The following CATSPERB variants were observed in gnomAD, a reference collection of about 807,000 sequenced individuals.
The protein encoded by CATSPERB is catsper channel auxiliary subunit beta, also known as cation channel sperm-associated auxiliary subunit beta.
Under a neutral mutation model 128.3 loss-of-function variants are expected in CATSPERB, and 93 were observed. The observed-to-expected ratio is 0.72, with a 90% confidence interval of 0.61 to 0.86. The LOEUF (loss-of-function observed/expected upper bound fraction) is 0.86, where lower values mean the gene tolerates loss of function less well. Among genes scored for constraint, CATSPERB ranks in the 40% least tolerant of loss-of-function variants. The pLI is 0.00. For missense variants in CATSPERB, 1,153 were observed against 1,329.5 expected, an observed-to-expected ratio of 0.87 and a Z score of 2.06; for synonymous variants, 381 against 448.8, an observed-to-expected ratio of 0.85 and a Z score of 1.91.
intron 13 of CATSPERB, among the ~76,000 whole-genome samples, chr14:91,672,250 C>G (rs1895109329): frequency 6.6e-6 from 1 of 151,998 alleles, no homozygotes; most frequent in African/African-American, 2.4e-5. Flanking sequence ...AGGGGCCGAA[C>G]TTATGGTTTT....
chr14:91,678,879 C>T (rs1212085472), intron 11 of CATSPERB, among the ~76,000 whole-genome samples: 2 of 152,068 alleles, frequency 1.3e-5, no homozygotes, highest in Non-Finnish European at 2.9e-5. Context: ...TCTAAGTTGT[C>T]AGCAAAATGC....
At position 91,696,369 on chromosome 14, in the gene CATSPERB, G is replaced by A. The variant is rs952832419; in HGVS notation, c.617-2890C>T. 3.3e-5 allele frequency among the ~76,000 whole-genome samples: 5 copies of A among 152,348 alleles called. No individual in the cohort carries two copies. The South Asian group carries it at 6.2e-4, about 19-fold the overall frequency. On this transcript the variant is annotated intron_variant, in intron 7 of 26. Transcript: ENST00000256343. ...AAGCTAAAAGAAGAAAGTGTTTTGA[G>A]CAGAGACTGGTCGACCCTGTTAAAT...
At chr14:91,641,202 T>G (rs919606463) in intron 15 of CATSPERB, among the ~76,000 whole-genome samples, 7 of 150,408 alleles carry the variant, frequency 4.7e-5, no homozygotes, top group Non-Finnish European at 1.0e-4. Context: ...TTCACTCTCA[T>G]GGTAGTTTCT....
chr14:91,689,750 T>G (rs1192200816), intron 10 of CATSPERB, among the ~76,000 whole-genome samples: 1 of 152,146 alleles, frequency 6.6e-6, no homozygotes, highest in Admixed American at 6.5e-5. Flanking sequence ...AGTTTTAGGT[T>G]ATATTCTTTT....
At chr14:91,658,918 T>C (rs2139820246) in intron 15 of CATSPERB, among the ~76,000 whole-genome samples, 1 of 151,430 alleles carries the variant, frequency 6.6e-6, no homozygotes, top group South Asian at 2.1e-4. Flanking sequence ...GTCGCAAACA[T>C]ACAGAAATAA....
At chr14:91,669,473 A>G (rs1805036771) in intron 14 of CATSPERB, among the ~76,000 whole-genome samples, 2 of 152,200 alleles carry the variant, frequency 1.3e-5, no homozygotes, top group African/African-American at 4.8e-5. Flanking sequence ...AAAGGCAAAC[A>G]TTAAATGCTG....
chr14:91,666,392 T>C (rs1894984365), intron 14 of CATSPERB, among the ~76,000 whole-genome samples: 1 of 152,196 alleles, frequency 6.6e-6, no homozygotes, highest in African/African-American at 2.4e-5. Context: ...AATACTCATC[T>C]AGTAGAATGG....
intron 19 of CATSPERB, among the ~76,000 whole-genome samples, chr14:91,620,554 A>G (rs1475515803): frequency 6.6e-6 from 1 of 150,988 alleles, no homozygotes; most frequent in Admixed American, 6.6e-5. Flanking sequence ...TTTTTGTTTT[A>G]TTTTTTCCAT....
Position 91,674,659 on chromosome 14 carries a change from C to T in CATSPERB, c.932-437G>A, listed in dbSNP as rs138670600. 1.7e-3 allele frequency among the ~76,000 whole-genome samples: 252 copies of T among 152,214 alleles called. 2 individuals are homozygous for T. The highest frequency in any genetic ancestry group is 5.9e-3 in the African/African-American group (244 of 41,542). Reference sequence around the variant, plus strand: ...AATTTTGTTTCCCTCCCTTCCCACTCGACACTCCATGCACTGCTGGCTTAT... The same window carrying T: ...AATTTTGTTTCCCTCCCTTCCCACTTGACACTCCATGCACTGCTGGCTTAT... On this transcript the variant is annotated intron_variant, in intron 11 of 26. Transcript: ENST00000256343.
At chr14:91,637,033 G>A (rs1253671052) in intron 16 of CATSPERB, among the ~76,000 whole-genome samples, 2 of 152,230 alleles carry the variant, frequency 1.3e-5, no homozygotes, top group African/African-American at 2.4e-5. Context: ...GGCAGCATAA[G>A]CTGTTCTCCT....
chr14:91,713,542 A>G (rs1174675141), intron 5 of CATSPERB, among the ~76,000 whole-genome samples: 1 of 152,172 alleles, frequency 6.6e-6, no homozygotes. Flanking sequence ...TATCACAAAC[A>G]ACTCCGTGTC....
intron 7 of CATSPERB, among the ~76,000 whole-genome samples, chr14:91,695,129 ATTTTT>A (rs34458723): frequency 7.5e-6 from 1 of 133,526 alleles, no homozygotes; most frequent in African/African-American, 2.8e-5. Context: ...AATGGTGGGA[ATTTTT>A]TTTTTTTTTT....
At chr14:91,600,187 A>G (rs1485726686) in intron 22 of CATSPERB, among the ~76,000 whole-genome samples, 1 of 152,216 alleles carries the variant, frequency 6.6e-6, no homozygotes, top group Non-Finnish European at 1.5e-5. Context: ...AAGAAGCACC[A>G]AACTGATATC....
chr14:91,627,406 A>G (rs1894185355), intron 17 of CATSPERB, among the ~76,000 whole-genome samples: 1 of 152,322 alleles, frequency 6.6e-6, no homozygotes, highest in South Asian at 2.1e-4. Flanking sequence ...TATACTGACA[A>G]ATACAGATTA....
At chr14:91,636,866 A>G (rs1393140753) in intron 16 of CATSPERB, among the ~76,000 whole-genome samples, 1 of 152,176 alleles carries the variant, frequency 6.6e-6, no homozygotes, top group African/African-American at 2.4e-5. Flanking sequence ...CTTGACTCAC[A>G]TTGTGGGTGT....
At chr14:91,660,338 G>C (rs1467146660) in intron 14 of CATSPERB, among the ~76,000 whole-genome samples, 1 of 152,156 alleles carries the variant, frequency 6.6e-6, no homozygotes, top group Non-Finnish European at 1.5e-5. Flanking sequence ...TTTGGATCTG[G>C]GGGAGGGGTT....
intron 5 of CATSPERB, among the ~76,000 whole-genome samples, chr14:91,717,257 AT>A (rs1210729758): frequency 6.6e-6 from 1 of 152,130 alleles, no homozygotes; most frequent in Non-Finnish European, 1.5e-5. Flanking sequence ...TTATTGCCTG[AT>A]GGAACTGTTC....
chr14:91,728,649 G>T (rs1595196094), intron 2 of CATSPERB, among the ~76,000 whole-genome samples: 1 of 152,160 alleles, frequency 6.6e-6, no homozygotes, highest in African/African-American at 2.4e-5. Flanking sequence ...GCTAGATTCT[G>T]TTATAATAAT....
At chr14:91,604,452 C>G (rs1893663281) in intron 22 of CATSPERB, 17 of 1,484,764 alleles carry the variant, frequency 1.1e-5, no homozygotes, top group Non-Finnish European at 1.6e-5. Context: ...AATAAATCCA[C>G]AGCTTGTGGA....
Sources: allele counts gnomAD v4.1 joint callset (sites outside exome capture counted in the v4.1 genomes callset), GRCh38; gene constraint gnomAD v4.1.1; transcripts MANE v1.5; gene names NCBI Gene and HGNC (gene_info 2026-07-23, HGNC 2026-07-21).